TTLL7: variants seen among roughly 807,000 people sequenced by gnomAD.
TTLL7 encodes tubulin tyrosine ligase like 7, also known as tubulin polyglutamylase TTLL7.
A neutral mutation model predicts 120.2 loss-of-function variants in TTLL7; 53 were observed. That is an observed-to-expected ratio of 0.44 (90% CI 0.35 to 0.55). The LOEUF (loss-of-function observed/expected upper bound fraction) is 0.55, where lower values mean the gene tolerates loss of function less well. TTLL7 is among the 20% of genes least tolerant of loss of function. The probability of loss-of-function intolerance (pLI) is 0.00; values close to 1 mark genes in which losing one functional copy is unlikely to be tolerated. For missense variants in TTLL7, 803 were observed against 1,054.7 expected, an observed-to-expected ratio of 0.76 and a Z score of 3.31; for synonymous variants, 353 against 351.7, an observed-to-expected ratio of 1.00 and a Z score of -0.04.
At chr1:83,870,571 T>C (rs1653280647) in intron 20 of TTLL7, among the ~76,000 whole-genome samples, 3 of 152,212 alleles carry the variant, frequency 2.0e-5, no homozygotes, top group African/African-American at 7.2e-5. Flanking sequence ...AATTAGAATA[T>C]AAATTTTATA....
rs1234456864 is a variant in TTLL7 at position 83,919,613 on chromosome 1, T to C, written c.1500+86A>G. 32 of 1,234,608 alleles carry C rather than the reference T, an allele frequency of 2.6e-5. No individual in the cohort carries two copies. In the East Asian group the frequency reaches 3.4e-4, roughly 13 times the overall value. 76.5% of individuals were successfully genotyped at this position (1,234,608 alleles called of 1,614,324 possible). ...GCATATCTTAAAAGTAAAATGTTTT[T>C]ATATGTCGGACCAAGGTGGCTTGTC... On this transcript the variant is annotated intron_variant, in intron 13 of 20. Transcript: ENST00000260505.
intron 19 of TTLL7, chr1:83,885,135 C>A (rs1379623139): frequency 3.8e-6 from 1 of 263,586 alleles, no homozygotes; most frequent in Non-Finnish European, 5.9e-6. Flanking sequence ...AATTAGTATA[C>A]TTTGATTTAG....
intron 20 of TTLL7, among the ~76,000 whole-genome samples, chr1:83,881,087 A>C (rs1435659061): frequency 6.6e-6 from 1 of 150,558 alleles, no homozygotes; most frequent in Admixed American, 6.6e-5. Flanking sequence ...TACAAAAATT[A>C]ATTCAAGATG....
At chr1:83,892,517 T>TATGAACATATAA (rs1557565045) in intron 18 of TTLL7, among the ~76,000 whole-genome samples, 1 of 137,962 alleles carries the variant, frequency 7.2e-6, no homozygotes, top group Non-Finnish European at 1.6e-5. Flanking sequence ...TGAACATATA[T>TATGAACATATAA]ATGAACATAT....
rs759702009 is a variant in TTLL7, at chr1:83,949,973, T to C, written c.171A>G (p.Ile57Met). Reference protein sequence around the residue: ...GTKFEIVRLVIDEMGFMKTPD... With the variant: ...GTKFEIVRLVMDEMGFMKTPD... Reference sequence around the variant, plus strand: ...GAGTTTTCATAAATCCCATTTCATCTATTACTAAACGAACTGCAAGTAAAC... The same window carrying C: ...GAGTTTTCATAAATCCCATTTCATCCATTACTAAACGAACTGCAAGTAAAC... Residue 57 changes from isoleucine to methionine, a missense_variant, in exon 4 of 21, where the codon ATA becomes ATG. Ile to Met is a conservative substitution (Grantham distance 10). Coordinates refer to ENST00000260505, the MANE Select transcript of TTLL7 (RefSeq NM_024686.6). 36 of 1,612,618 alleles carry C rather than the reference T, an allele frequency of 2.2e-5. No individual in the cohort carries two copies. Among genetic ancestry groups the C allele is most frequent in the Non-Finnish European group, 3.0e-5 (35 of 1,179,538 alleles).
intron 1 of TTLL7, among the ~76,000 whole-genome samples, chr1:83,985,135 A>G (rs537371131): frequency 6.6e-6 from 1 of 152,258 alleles, no homozygotes; most frequent in African/African-American, 2.4e-5. Flanking sequence ...TAAGCTGGGG[A>G]AGACAGAAGC....
At position 83,942,566 on chromosome 1, in the gene TTLL7, T is replaced by C; in HGVS notation, c.620A>G (p.Tyr207Cys). ...MEGYKFDLRI[Y>C]ILVTSCDPLK... The stretch of plus-strand genomic sequence containing the variant: ...TGGATCACACGATGTAACCAGAATA[T>C]AAATTCGTAAGTCAAACTTGTAACC... Residue 207 changes from tyrosine (Y) to cysteine (C), a missense_variant, in exon 7 of 21, where the codon TAT becomes TGT. Tyr to Cys is a radical substitution (Grantham distance 194). This residue lies in a region of TTLL7 where 324 missense variants were observed against 507.7 expected (regional missense o/e 0.64). Coordinates refer to ENST00000260505, the MANE Select transcript of TTLL7 (RefSeq NM_024686.6). 6.2e-7 allele frequency: 1 copy of C among 1,614,040 alleles called. No homozygotes were observed. Among genetic ancestry groups the C allele is most frequent in the Non-Finnish European group, 8.5e-7 (1 of 1,179,930 alleles).
chr1:83,967,300 T>C (rs907874181), intron 1 of TTLL7, among the ~76,000 whole-genome samples: 1 of 146,114 alleles, frequency 6.8e-6, no homozygotes, highest in African/African-American at 2.4e-5. Context: ...AACAACCACC[T>C]TTTGCCAACT....
intron 1 of TTLL7, among the ~76,000 whole-genome samples, chr1:83,989,257 T>C (rs1267172802): frequency 1.3e-5 from 2 of 152,170 alleles, no homozygotes; most frequent in Non-Finnish European, 2.9e-5. Context: ...ATCAAGGCAA[T>C]GTTGGGAAGG....
intron 1 of TTLL7, among the ~76,000 whole-genome samples, chr1:83,974,248 C>A (rs1651257525): frequency 1.3e-5 from 2 of 151,894 alleles, no homozygotes. Flanking sequence ...ACACATATAT[C>A]TATGAAAAAA....
rs1557555626 is a variant in TTLL7 at position 83,890,413 on chromosome 1, T to G, written c.2277A>C (p.Glu759Asp). The change falls in exon 19 of 21, where the codon GAA (glutamate) becomes GAC (aspartate). Residue 759 changes from glutamate to aspartate, a missense_variant. This residue lies in a region of TTLL7 where 388 missense variants were observed against 450.4 expected (regional missense o/e 0.86). Coordinates refer to ENST00000260505, the MANE Select transcript of TTLL7 (RefSeq NM_024686.6). ...TGAAAATCCGATATAAATTTACTTC[T>G]TCAACATCAGGCACCTTCCAGATGC... ...LPRIWKVPDVEEVNLYRIFNR... is the reference protein window; with the variant it reads ...LPRIWKVPDVDEVNLYRIFNR... The G allele has an allele frequency of 1.2e-6, 2 of 1,613,394 alleles. No individual in the cohort carries two copies.
Position 83,907,492 on chromosome 1 carries a change from A to T in TTLL7, c.1956T>A (p.Pro652=), listed in dbSNP as rs151177562. 3.2e-5 allele frequency: 51 copies of T among 1,612,950 alleles called. No individual in the cohort carries two copies. In the African/African-American group the frequency reaches 6.4e-4, roughly 20 times the overall value. Residue 652 remains proline, a synonymous_variant, in exon 16 of 21, where the codon CCT becomes CCA. Transcript: ENST00000260505. ...TGGTAGAGCAGGCATCATTACTGTGAGGCAGATGCCTCATGTAGGAGGAAG... is the reference window on the plus strand; with the variant it reads ...TGGTAGAGCAGGCATCATTACTGTGTGGCAGATGCCTCATGTAGGAGGAAG... ...NRASSYMRHL[P]HSNDACSTNS... is the part of the protein sequence containing the mutation.
chr1:83,946,693 A>G (rs1358993956), intron 6 of TTLL7, among the ~76,000 whole-genome samples: 2 of 152,202 alleles, frequency 1.3e-5, no homozygotes, highest in Non-Finnish European at 2.9e-5. Flanking sequence ...TTTAAAGGCA[A>G]AGAAGATATG....
intron 1 of TTLL7, among the ~76,000 whole-genome samples, chr1:83,992,360 T>C (rs1374662220): frequency 6.6e-6 from 1 of 152,046 alleles, no homozygotes; most frequent in Non-Finnish European, 1.5e-5. Flanking sequence ...GAAGCTGATG[T>C]AAACTGGAAA....
At chr1:83,984,842 T>C (rs920996187) in intron 1 of TTLL7, among the ~76,000 whole-genome samples, 3 of 152,090 alleles carry the variant, frequency 2.0e-5, no homozygotes, top group Admixed American at 1.3e-4. Flanking sequence ...CTAAATGGGT[T>C]ATGGGACTAT....
chr1:83,992,758 A>C (rs1653115335), intron 1 of TTLL7, among the ~76,000 whole-genome samples: 1 of 151,726 alleles, frequency 6.6e-6, no homozygotes, highest in East Asian at 1.9e-4. Flanking sequence ...TGGTTTCATA[A>C]ATATTAAACT....
intron 1 of TTLL7, among the ~76,000 whole-genome samples, chr1:83,954,986 G>A (rs1649385341): frequency 6.6e-6 from 1 of 151,900 alleles, no homozygotes; most frequent in African/African-American, 2.4e-5. Flanking sequence ...TGTTAACCTT[G>A]AACATAGAAC....
chr1:83,993,093 C>T (rs2100651476), intron 1 of TTLL7, among the ~76,000 whole-genome samples: 1 of 152,222 alleles, frequency 6.6e-6, no homozygotes, highest in African/African-American at 2.4e-5. Flanking sequence ...ACTTTTTCTA[C>T]CAACACTTTA....
At chr1:83,919,867 A>G (rs1658495346) in intron 12 of TTLL7, 33 bp from the exon 13 acceptor site, 7 of 1,602,258 alleles carry the variant, frequency 4.4e-6, no homozygotes, top group African/African-American at 1.3e-5. Flanking sequence ...AATTTTTTAA[A>G]AAGAAGCTGT....
Sources: allele counts gnomAD v4.1 joint callset (sites outside exome capture counted in the v4.1 genomes callset), GRCh38; gene constraint gnomAD v4.1.1; regional missense constraint gnomAD v4.1.1; transcripts MANE v1.5; gene names NCBI Gene and HGNC (gene_info 2026-07-23, HGNC 2026-07-21).